Variants in PDE4D observed in about 807,000 individuals in gnomAD.
PDE4D encodes phosphodiesterase 4D, also known as 3',5'-cyclic-AMP phosphodiesterase 4D.
PDE4D carries 24 observed loss-of-function variants against 87.4 expected under a neutral mutation model. The ratio of observed to expected loss-of-function variants is 0.27; its 90% CI spans 0.20 to 0.39. PDE4D has a LOEUF of 0.39. Among genes scored for constraint, PDE4D ranks in the 10% least tolerant of loss-of-function variants. The probability of loss-of-function intolerance (pLI) is 1.00; values close to 1 mark genes in which losing one functional copy is unlikely to be tolerated. For synonymous variants in PDE4D, 384 were observed against 383.2 expected (o/e 1.00, Z -0.02); for missense variants, 714 against 1,041.0 (o/e 0.69, Z 4.32).
At chr5:59,456,436 C>T (rs1203814747) in intron 1 of PDE4D, among the ~76,000 whole-genome samples, 1 of 152,162 alleles carries the variant, frequency 6.6e-6, no homozygotes, top group Non-Finnish European at 1.5e-5. Flanking sequence ...GTGAGTCCTT[C>T]CTAGCCATGT....
At chr5:59,113,862 A>G (rs183229532) in intron 5 of PDE4D, among the ~76,000 whole-genome samples, 4 of 152,320 alleles carry the variant, frequency 2.6e-5, no homozygotes, top group Admixed American at 2.6e-4. Flanking sequence ...CAAAGTCCTT[A>G]AAGAGTGTGG....
intron 1 of PDE4D, among the ~76,000 whole-genome samples, chr5:59,832,560 C>T (rs530950421): frequency 8.6e-5 from 13 of 151,886 alleles, no homozygotes; most frequent in Admixed American, 2.6e-4. Flanking sequence ...TATGTTTAGA[C>T]AATATATGTA....
chr5:59,241,966 T>C (rs1270679709), intron 1 of PDE4D, among the ~76,000 whole-genome samples: 4 of 152,228 alleles, frequency 2.6e-5, no homozygotes, highest in African/African-American at 9.6e-5. Flanking sequence ...AAAAGCTTAG[T>C]TAAGTGACTT....
intron 1 of PDE4D, among the ~76,000 whole-genome samples, chr5:59,250,720 C>A (rs1375029698): frequency 6.6e-6 from 1 of 151,946 alleles, no homozygotes; most frequent in Non-Finnish European, 1.5e-5. Flanking sequence ...CCCGAATAGC[C>A]AAGGCAATTC....
chr5:59,119,151 A>T (rs1377885058), intron 5 of PDE4D, among the ~76,000 whole-genome samples: 1 of 152,214 alleles, frequency 6.6e-6, no homozygotes, highest in Non-Finnish European at 1.5e-5. Context: ...GGTTCAAAAG[A>T]TAGCTGGCGT....
At chr5:59,115,641 C>T (rs1408473741) in intron 5 of PDE4D, among the ~76,000 whole-genome samples, 4 of 152,110 alleles carry the variant, frequency 2.6e-5, no homozygotes, top group Non-Finnish European at 1.5e-5. Context: ...TGCTTCCTTC[C>T]TTATGCTGAT....
chr5:59,107,760 A>C (rs994889495), intron 5 of PDE4D, among the ~76,000 whole-genome samples: 4 of 152,064 alleles, frequency 2.6e-5, no homozygotes, highest in African/African-American at 9.7e-5. Context: ...GCTCTTCTTG[A>C]CTCGGTTTGC....
intron 5 of PDE4D, among the ~76,000 whole-genome samples, chr5:59,093,200 T>C (rs1237195708): frequency 6.6e-6 from 1 of 152,196 alleles, no homozygotes; most frequent in Non-Finnish European, 1.5e-5. Flanking sequence ...CCAGAAAGAC[T>C]TACTGCTTGG....
intron 1 of PDE4D, among the ~76,000 whole-genome samples, chr5:59,745,144 T>C (rs1041631809): frequency 2.6e-5 from 4 of 152,110 alleles, no homozygotes; most frequent in African/African-American, 9.7e-5. Flanking sequence ...TCAGATTATA[T>C]GGTTAGGGAA....
intron 5 of PDE4D, among the ~76,000 whole-genome samples, chr5:59,081,169 A>C (rs58178219): frequency 0.047 from 7,215 of 152,216 alleles, 574 homozygotes; most frequent in African/African-American, 0.16. Flanking sequence ...CATAGTATGA[A>C]AACTCATTTA....
intron 1 of PDE4D, among the ~76,000 whole-genome samples, chr5:60,240,690 T>G (rs563587344): frequency 1.6e-4 from 24 of 152,146 alleles, no homozygotes; most frequent in African/African-American, 5.8e-4. Context: ...TAGAGAGAGA[T>G]TCTGTGTTTG....
At chr5:60,441,340 G>T (rs1745194166) in intron 1 of PDE4D, among the ~76,000 whole-genome samples, 1 of 152,088 alleles carries the variant, frequency 6.6e-6, no homozygotes, top group African/African-American at 2.4e-5. Flanking sequence ...AATGGGGAAA[G>T]GATTCCCTAT....
chr5:59,616,842 T>C (rs1579877678), intron 1 of PDE4D, among the ~76,000 whole-genome samples: 1 of 148,520 alleles, frequency 6.7e-6, no homozygotes, highest in South Asian at 2.2e-4. Flanking sequence ...TATCTATATA[T>C]ATCTATACCT....
chr5:59,861,407 A>C (rs1388381562), intron 1 of PDE4D, among the ~76,000 whole-genome samples: 1 of 152,176 alleles, frequency 6.6e-6, no homozygotes, highest in African/African-American at 2.4e-5. Context: ...AATAGAGAAA[A>C]ATGCTAAAAT....
chr5:60,465,064 G>C (rs1045100443), intron 1 of PDE4D, among the ~76,000 whole-genome samples: 3 of 151,658 alleles, frequency 2.0e-5, no homozygotes, highest in Non-Finnish European at 2.9e-5. Flanking sequence ...AGTTATAATC[G>C]CACCACTGCA....
intron 1 of PDE4D, among the ~76,000 whole-genome samples, chr5:59,728,999 T>A (rs757936553): frequency 6.6e-6 from 1 of 152,106 alleles, no homozygotes; most frequent in Non-Finnish European, 1.5e-5. Context: ...CCTCTGAAAA[T>A]GTCATCCTAT....
At chr5:59,027,941 G>GT (rs1304985818) in intron 6 of PDE4D, among the ~76,000 whole-genome samples, 2 of 151,760 alleles carry the variant, frequency 1.3e-5, no homozygotes, top group Admixed American at 6.6e-5. Context: ...ATACTAGATG[G>GT]TAAGATGTTG....
intron 5 of PDE4D, among the ~76,000 whole-genome samples, chr5:59,160,887 G>A (rs182855898): frequency 6.6e-6 from 1 of 152,206 alleles, no homozygotes; most frequent in East Asian, 1.9e-4. Flanking sequence ...CATGAGGTCA[G>A]GAGTTCAAGA....
intron 1 of PDE4D, among the ~76,000 whole-genome samples, chr5:60,335,646 T>C (rs973650247): frequency 5.9e-5 from 9 of 152,208 alleles, no homozygotes; most frequent in African/African-American, 2.2e-4. Context: ...TTGAGCTTCC[T>C]CAGGCAGGCA....
Sources: gnomAD v4.1 joint callset for allele counts (sites outside exome capture counted in the v4.1 genomes callset) on GRCh38, gnomAD v4.1.1 for gene constraint, MANE v1.5 for transcripts, NCBI Gene and HGNC (gene_info 2026-07-23, HGNC 2026-07-21) for gene names.